Variants in MGST2 observed in about 807,000 individuals in gnomAD.
MGST2 encodes the protein microsomal glutathione S-transferase 2.
A neutral mutation model predicts 16.6 loss-of-function variants in MGST2; 9 were observed. The ratio of observed to expected loss-of-function variants is 0.54; its 90% CI spans 0.33 to 0.95. The LOEUF is 0.95. Ranked by LOEUF, MGST2 falls within the 40% of genes least tolerant of loss-of-function variation. MGST2 has a pLI of 0.03. For missense variants in MGST2, 159 were observed against 175.1 expected (o/e 0.91, Z 0.52); for synonymous variants, 79 against 68.0 (o/e 1.16, Z -0.79).
At chr4:139,729,767 G>A (rs550408792) in intron 5 of MGST2, among the ~76,000 whole-genome samples, 32 of 152,318 alleles carry the variant, frequency 2.1e-4, no homozygotes, top group Non-Finnish European at 3.1e-4. Context: ...GGAATTATAG[G>A]GCGAGGGTGG....
intron 5 of MGST2, among the ~76,000 whole-genome samples, chr4:139,713,493 A>G (rs2110932019): frequency 6.6e-6 from 1 of 151,660 alleles, no homozygotes; most frequent in East Asian, 1.9e-4. Context: ...AAAAAAAAAA[A>G]AAAAGGAGAA....
At chr4:139,688,758 A>T (rs1726398045) in intron 2 of MGST2, among the ~76,000 whole-genome samples, 1 of 152,200 alleles carries the variant, frequency 6.6e-6, no homozygotes, top group African/African-American at 2.4e-5. Context: ...TTACAAGTGT[A>T]ACCATCATGG....
intron 5 of MGST2, among the ~76,000 whole-genome samples, chr4:139,725,260 G>C (rs1332411594): frequency 1.3e-5 from 2 of 152,184 alleles, no homozygotes; most frequent in Non-Finnish European, 2.9e-5. Flanking sequence ...AGTGGTTGTT[G>C]CAAGCCAGAT....
chr4:139,729,489 C>G (rs1051327901), intron 5 of MGST2, among the ~76,000 whole-genome samples: 1 of 152,154 alleles, frequency 6.6e-6, no homozygotes, highest in African/African-American at 2.4e-5. Context: ...AATTCTGACC[C>G]TATCAGGAAT....
At chr4:139,669,275 CAG>C (rs898562226) in intron 1 of MGST2, among the ~76,000 whole-genome samples, 8 of 152,010 alleles carry the variant, frequency 5.3e-5, no homozygotes, top group Non-Finnish European at 1.2e-4. Context: ...AAGAGGGAGA[CAG>C]AGAGAGGAAG....
downstream of MGST2, among the ~76,000 whole-genome samples, chr4:139,708,999 CAA>C (rs36036249): frequency 2.9e-5 from 3 of 102,602 alleles, no homozygotes; most frequent in South Asian, 3.7e-4. Flanking sequence ...AACTCCGTCT[CAA>C]AAAAAAAAAA....
intron 5 of MGST2, among the ~76,000 whole-genome samples, chr4:139,723,347 G>T (rs1728332169): frequency 6.6e-6 from 1 of 152,120 alleles, no homozygotes; most frequent in Non-Finnish European, 1.5e-5. Context: ...TTTTGCTCTT[G>T]TTGCCCAGGC....
rs1730311420 is a variant in MGST2 at position 139,665,961 on chromosome 4, C to G, written c.-59C>G. On this transcript the variant is annotated 5_prime_UTR_variant, in exon 1 of 5. Transcript: ENST00000265498. ...TTACCCGATAAGGAAGGTCAGCATT[C>G]AAAGTCAAGAAGCGCCATTTATCTT... 6.4e-7 allele frequency: 1 copy of G among 1,569,928 alleles called. No individual in the cohort carries two copies. Among genetic ancestry groups the G allele is most frequent in the Non-Finnish European group, 8.8e-7 (1 of 1,140,758 alleles).
downstream of MGST2, chr4:139,705,807 C>T (rs902179201): frequency 4.6e-5 from 7 of 152,018 alleles, no homozygotes; most frequent in Admixed American, 1.3e-4. Context: ...GAGGGTGATA[C>T]GGGAAGTACA....
At chr4:139,693,594 C>T (rs1726744809) in intron 2 of MGST2, among the ~76,000 whole-genome samples, 1 of 152,140 alleles carries the variant, frequency 6.6e-6, no homozygotes, top group African/African-American at 2.4e-5. Flanking sequence ...TATCTTTTCA[C>T]TCAACCTATC....
chr4:139,725,766 C>T (rs537135528), intron 5 of MGST2: 1 of 1,613,814 alleles, frequency 6.2e-7, no homozygotes, highest in African/African-American at 1.3e-5. Context: ...AACTGATTGA[C>T]CTGCTGCACT....
chr4:139,684,569 C>T (rs1386246620), intron 2 of MGST2, among the ~76,000 whole-genome samples: 1 of 152,178 alleles, frequency 6.6e-6, no homozygotes, highest in African/African-American at 2.4e-5. Context: ...ATGTGCATGG[C>T]TGGGGCTTAT....
At chr4:139,684,914 G>A (rs1354950888) in intron 2 of MGST2, among the ~76,000 whole-genome samples, 1 of 152,152 alleles carries the variant, frequency 6.6e-6, no homozygotes, top group African/African-American at 2.4e-5. Context: ...GGAGCAGGCT[G>A]GGGCTCAGGA....
At chr4:139,694,312 T>A (rs1579319067) in intron 2 of MGST2, among the ~76,000 whole-genome samples, 1 of 152,166 alleles carries the variant, frequency 6.6e-6, no homozygotes, top group East Asian at 1.9e-4. Context: ...TATTTAAGCT[T>A]TGAGGCTTAC....
intron 5 of MGST2, chr4:139,730,710 A>G: frequency 6.4e-7 from 1 of 1,550,580 alleles, no homozygotes; most frequent in Non-Finnish European, 8.8e-7. Flanking sequence ...TTCCCCATAG[A>G]GACTCACTGC....
rs1419348340 is a variant in MGST2, at chr4:139,715,288, G to A, written c.*48+11092G>A. On this transcript the variant is annotated intron_variant, in intron 5 of 5. Transcript: ENST00000616265. This position sits in a 1 kb window ranked among gnomAD's most constrained non-coding sequence, Gnocchi z 4.4. ...CAGTCTATTTCCTTTGTGTTAGGGG[G>A]TGTCTCCCCAGTATCGTCCCATCGT... Among the ~76,000 whole-genome samples, 1 of 152,110 alleles carries A rather than the reference G, an allele frequency of 6.6e-6. No homozygotes were observed.
chr4:139,720,544 C>T (rs1728193453), intron 5 of MGST2, among the ~76,000 whole-genome samples: 2 of 152,154 alleles, frequency 1.3e-5, no homozygotes, highest in Non-Finnish European at 2.9e-5. Context: ...AAATTAAAGT[C>T]ACCTGAAATC....
downstream of MGST2, among the ~76,000 whole-genome samples, chr4:139,706,689 C>T (rs1727531749): frequency 6.6e-6 from 1 of 152,186 alleles, no homozygotes; most frequent in African/African-American, 2.4e-5. Flanking sequence ...CACATACACA[C>T]ACACACACAC....
chr4:139,732,545 G>C (rs1283756888), intron 5 of MGST2, among the ~76,000 whole-genome samples: 4 of 151,396 alleles, frequency 2.6e-5, no homozygotes, highest in African/African-American at 9.7e-5. Flanking sequence ...TCAATGAATG[G>C]AAGACACAGA....
Sources: allele counts gnomAD v4.1 joint callset (sites outside exome capture counted in the v4.1 genomes callset), GRCh38; gene constraint gnomAD v4.1.1; non-coding constraint Gnocchi (gnomAD v3.1); transcripts MANE v1.5; gene names NCBI Gene and HGNC (gene_info 2026-07-23, HGNC 2026-07-21).